LDHA: variants seen among roughly 807,000 people sequenced by gnomAD.
LDHA encodes L-lactate dehydrogenase A chain.
In LDHA, 10 loss-of-function variants were observed where a neutral mutation model predicts 36.3. That is an observed-to-expected ratio of 0.28 (90% CI 0.17 to 0.47). The LOEUF is 0.47. LDHA is among the 20% of genes least tolerant of loss of function. LDHA has a pLI of 0.99. For missense variants in LDHA, 267 were observed against 405.8 expected, an observed-to-expected ratio of 0.66 and a Z score of 2.94; for synonymous variants, 110 against 136.7, an observed-to-expected ratio of 0.80 and a Z score of 1.36.
At chr11:18,405,594 C>T (rs1345639147) in intron 7 of LDHA, 22 bp downstream of exon 7, 1 of 1,612,428 alleles carries the variant, frequency 6.2e-7, no homozygotes, top group Non-Finnish European at 8.5e-7. Context: ...TAGTGATACG[C>T]TGCATTTGAA....
In LDHA at chr11:18,408,347, C is replaced by A; in HGVS notation, c.*1066C>A. On this transcript the variant is annotated 3_prime_UTR_variant, in exon 8 of 8. Transcript: ENST00000422447. ...CATCTGTTAAAAAAACAAAACAAAACCAAAAAAAACAAGTAACCTTGGTGG... is the reference window on the plus strand; with the variant it reads ...CATCTGTTAAAAAAACAAAACAAAAACAAAAAAAACAAGTAACCTTGGTGG... The A allele has an allele frequency of 1.1e-5, 4 of 367,374 alleles. No homozygotes were observed. Among genetic ancestry groups the A allele is most frequent in the African/African-American group, 4.3e-5 (2 of 46,778 alleles). The allele number at this position is 367,374 out of a possible 1,614,324, so 22.8% of individuals were successfully genotyped here. A position where few individuals can be genotyped will look rare whatever the true frequency, so the allele number is the denominator to read the frequency against.
At chr11:18,398,893 C>T (rs7101840) in intron 2 of LDHA, 109,678 of 166,772 alleles carry the variant, frequency 0.66, 37,186 homozygotes, top group South Asian at 0.76. Context: ...GGATTACAAG[C>T]GTGAGCCACC....
intron 1 of LDHA, 196 bp downstream of exon 1, chr11:18,394,832 T>C (rs1241421450): frequency 5.6e-6 from 2 of 356,804 alleles, no homozygotes; most frequent in Non-Finnish European, 1.1e-5. Flanking sequence ...CGCCGCGCTC[T>C]GCTTTTGCTC....
intron 3 of LDHA, 123 bp downstream of exon 3, chr11:18,399,671 C>T (rs1475274712): frequency 2.6e-6 from 2 of 767,824 alleles, no homozygotes; most frequent in Non-Finnish European, 4.7e-6. Flanking sequence ...AGCCTCGAAC[C>T]CTGGGCTCAA....
chr11:18,398,334 C>T (rs1866366141), intron 2 of LDHA, among the ~76,000 whole-genome samples: 2 of 152,126 alleles, frequency 1.3e-5, no homozygotes, highest in South Asian at 2.1e-4. Flanking sequence ...ATGGAATCAA[C>T]CAGGGAATAG....
chr11:18,398,958 C>T (rs919816054), intron 2 of LDHA: 2 of 197,152 alleles, frequency 1.0e-5, no homozygotes, highest in African/African-American at 4.7e-5. Flanking sequence ...ATGTGCCCGC[C>T]TCGGCCTCCC....
intron 4 of LDHA, 66 bp downstream of exon 4, chr11:18,401,076 TTA>T (rs1216297758): frequency 1.8e-6 from 1 of 551,676 alleles, no homozygotes; most frequent in African/African-American, 2.0e-5. Flanking sequence ...GATATATATA[TTA>T]TATATATTTT....
intron 3 of LDHA, 101 bp from the exon 4 acceptor site, chr11:18,400,736 A>G: frequency 1.2e-6 from 1 of 824,590 alleles, no homozygotes; most frequent in Non-Finnish European, 2.1e-6. Context: ...AAACTCTAAG[A>G]ACAAGAAAGG....
chr11:18,401,965 T>TTTTTTTTTTTTTG, intron 4 of LDHA, among the ~76,000 whole-genome samples: 1 of 125,938 alleles, frequency 7.9e-6, no homozygotes, highest in Admixed American at 8.3e-5. Context: ...CTTTTTTTTT[T>TTTTTTTTTTTTTG]TTTTTTTTTT....
Position 18,407,549 on chromosome 11 carries a change from C to T in LDHA, c.*268C>T. On this transcript the variant is annotated 3_prime_UTR_variant, in exon 8 of 8. Coordinates refer to ENST00000422447, the MANE Select transcript of LDHA (RefSeq NM_005566.4). ...CACCTCTGACGCACCACTGCCAATG[C>T]TGTACGTACTGCATTTGCCCCTTGA... The T allele has an allele frequency of 4.2e-6, 3 of 722,206 alleles. No individual in the cohort carries two copies. Among genetic ancestry groups the T allele is most frequent in the Non-Finnish European group, 4.9e-6 (2 of 405,778 alleles). The allele number at this position is 722,206 out of a possible 1,614,324, so 44.7% of individuals were successfully genotyped here. A position where few individuals can be genotyped will look rare whatever the true frequency, so the allele number is the denominator to read the frequency against.
intron 6 of LDHA, 83 bp downstream of exon 6, chr11:18,403,894 C>G: frequency 1.2e-6 from 1 of 851,852 alleles, no homozygotes; most frequent in East Asian, 2.7e-5. Context: ...ATAGTATTTG[C>G]ATTTGAGAAC....
chr11:18,408,366 TTGG>T lies in LDHA; in HGVS notation c.*1089_*1091del. 2.8e-6 allele frequency: 1 copy of T among 358,950 alleles called. No individual in the cohort carries two copies. The highest frequency in any genetic ancestry group is 5.4e-6 in the Non-Finnish European group (1 of 184,898). The allele number at this position is 358,950 out of a possible 1,614,324, so 22.2% of individuals were successfully genotyped here. On this transcript the variant is annotated 3_prime_UTR_variant, in exon 8 of 8. Transcript: ENST00000422447. ...ACAAAACCAAAAAAAACAAGTAACC[TTGG>T]TGGATGTCTACTCAAGTTTTCTGCA...
chr11:18,403,888 T>C (rs1866583677), intron 6 of LDHA, 77 bp downstream of exon 6: 1 of 898,682 alleles, frequency 1.1e-6, no homozygotes, highest in African/African-American at 1.7e-5. Context: ...ATTGTAATAG[T>C]ATTTGCATTT....
intron 3 of LDHA, chr11:18,400,176 G>A (rs527509184): frequency 1.1e-5 from 2 of 178,550 alleles, no homozygotes; most frequent in Admixed American, 1.1e-4. Flanking sequence ...TGAGAATAGG[G>A]TAAATAAATG....
intron 6 of LDHA, 63 bp from the exon 7 acceptor site, chr11:18,405,386 T>C: frequency 1.3e-6 from 2 of 1,557,222 alleles, no homozygotes; most frequent in Non-Finnish European, 1.8e-6. Flanking sequence ...ATGAAAACTT[T>C]GTTTTTCTTT....
At chr11:18,405,284 C>T (rs1866645792) in intron 6 of LDHA, among the ~76,000 whole-genome samples, 165 bp from the exon 7 acceptor site, 1 of 152,144 alleles carries the variant, frequency 6.6e-6, no homozygotes, top group Admixed American at 6.5e-5. Flanking sequence ...TAATGAATAT[C>T]CCTGTACATA....
At chr11:18,394,663 G>T (rs986991541) in intron 1 of LDHA, 27 bp downstream of exon 1, 1 of 453,672 alleles carries the variant, frequency 2.2e-6, no homozygotes, top group African/African-American at 2.0e-5. Context: ...CGCGCACGGC[G>T]CCAGAGGGAT....
intron 7 of LDHA, 79 bp downstream of exon 7, chr11:18,405,651 T>C: frequency 2.0e-6 from 3 of 1,465,770 alleles, no homozygotes; most frequent in Non-Finnish European, 2.9e-6. Context: ...GAAAGATTAA[T>C]ACAAGTCTTC....
Position 18,407,902 on chromosome 11 carries a change from T to TGTTTA in LDHA, c.*621_*622insGTTTA. 8.8e-6 allele frequency: 4 copies of TGTTTA among 454,136 alleles called. No homozygotes were observed. Among genetic ancestry groups the TGTTTA allele is most frequent in the Non-Finnish European group, 1.8e-5 (4 of 226,816 alleles). 28.1% of individuals were successfully genotyped at this position (454,136 alleles called of 1,614,324 possible). A position where few individuals can be genotyped will look rare whatever the true frequency, so the allele number is the denominator to read the frequency against. ...ATAAAGTCATAAAGCTGCTAGTTAT[T>TGTTTA]ATATTAATTTGGAAATATTAGGCTA... On this transcript the variant is annotated 3_prime_UTR_variant, in exon 8 of 8. Transcript: ENST00000422447.
Sources: gnomAD v4.1 joint callset for allele counts (sites outside exome capture counted in the v4.1 genomes callset) on GRCh38, gnomAD v4.1.1 for gene constraint, MANE v1.5 for transcripts, NCBI Gene and HGNC (gene_info 2026-07-23, HGNC 2026-07-21) for gene names.